Variants in THSD4 observed in about 807,000 individuals in gnomAD.
THSD4 encodes the protein thrombospondin type-1 domain-containing protein 4.
In THSD4, 69 loss-of-function variants were observed where a neutral mutation model predicts 119.0. That is an observed-to-expected ratio of 0.58 (90% CI 0.48 to 0.71). THSD4 has a LOEUF of 0.71. THSD4 is among the 30% of genes least tolerant of loss of function. The pLI is 0.00. For synonymous variants in THSD4, 524 were observed against 540.4 expected, an observed-to-expected ratio of 0.97 and a Z score of 0.42; for missense variants, 1,393 against 1,391.1, an observed-to-expected ratio of 1.00 and a Z score of -0.02.
intron 7 of THSD4, chr15:71,547,709 C>G: frequency 2.2e-6 from 1 of 455,194 alleles, no homozygotes; most frequent in Non-Finnish European, 3.7e-6. Context: ...TGTGCAGTTG[C>G]CACACTGGGA....
intron 7 of THSD4, among the ~76,000 whole-genome samples, chr15:71,582,474 T>C (rs781762640): frequency 2.6e-4 from 39 of 152,170 alleles, no homozygotes; most frequent in Non-Finnish European, 4.9e-4. Context: ...TGCCTTTTAT[T>C]TCTTTTTCTT....
chr15:71,102,384 T>C (rs919393434), intron 1 of THSD4, among the ~76,000 whole-genome samples: 1 of 152,136 alleles, frequency 6.6e-6, no homozygotes, highest in Admixed American at 6.5e-5. Flanking sequence ...TGGTATTTTT[T>C]CCCACAGGCC....
intron 14 of THSD4, among the ~76,000 whole-genome samples, chr15:71,752,631 T>G (rs2053467968): frequency 1.3e-5 from 2 of 152,218 alleles, no homozygotes; most frequent in African/African-American, 4.8e-5. Context: ...CCATCACTTA[T>G]TTCGTATTTG....
chr15:71,406,964 A>G (rs1362164437), intron 6 of THSD4, among the ~76,000 whole-genome samples: 2 of 152,016 alleles, frequency 1.3e-5, no homozygotes, highest in Non-Finnish European at 2.9e-5. Flanking sequence ...GATTACATGC[A>G]TGAGCCACTG....
At chr15:71,252,749 TG>T (rs2044273912) in intron 5 of THSD4, among the ~76,000 whole-genome samples, 1 of 152,246 alleles carries the variant, frequency 6.6e-6, no homozygotes, top group Admixed American at 6.5e-5. Flanking sequence ...TTTGTTGCCT[TG>T]GGTTCCTCAT....
At position 71,738,026 on chromosome 15, in the gene THSD4, C is replaced by T. The variant is rs377411015; in HGVS notation, c.1906+19C>T. The T allele has an allele frequency of 5.3e-5, 85 of 1,611,670 alleles. No individual in the cohort carries two copies. The highest frequency in any genetic ancestry group is 2.9e-4 in the African/African-American group (22 of 75,046). ...GGGAAAGGTGAGCCTGTGTGGGGGA[C>T]GGGTGGATCCCTGCAGAACCCTAAG... On this transcript the variant is annotated intron_variant, in intron 11 of 17. Transcript: ENST00000261862.
At chr15:71,453,113 C>T (rs1005241316) in intron 7 of THSD4, among the ~76,000 whole-genome samples, 2 of 152,226 alleles carry the variant, frequency 1.3e-5, no homozygotes, top group South Asian at 2.1e-4. Context: ...CCCTTCTGGA[C>T]CTTGATCTGG....
intron 14 of THSD4, among the ~76,000 whole-genome samples, chr15:71,757,568 C>T (rs1248579782): frequency 4.0e-4 from 1 of 2,474 alleles, no homozygotes; most frequent in Non-Finnish European, 7.0e-4. Context: ...AGCTCTGGTA[C>T]CACAGGCGTG....
At chr15:71,506,300 T>C (rs973882682) in intron 7 of THSD4, among the ~76,000 whole-genome samples, 1 of 152,206 alleles carries the variant, frequency 6.6e-6, no homozygotes, top group Non-Finnish European at 1.5e-5. Context: ...TTTAGAACAA[T>C]GCATTACCCG....
At chr15:71,472,337 T>C (rs569261032) in intron 7 of THSD4, among the ~76,000 whole-genome samples, 1 of 152,360 alleles carries the variant, frequency 6.6e-6, no homozygotes, top group African/African-American at 2.4e-5. Context: ...CTAACTAGTA[T>C]GTATTAGGCC....
chr15:71,099,808 T>A (rs891394476), intron 1 of THSD4, among the ~76,000 whole-genome samples: 4 of 151,926 alleles, frequency 2.6e-5, no homozygotes, highest in Non-Finnish European at 4.4e-5. Context: ...CTACAAAAAA[T>A]ACAAAAATTA....
chr15:71,604,795 T>A (rs1031537931), intron 7 of THSD4, among the ~76,000 whole-genome samples: 7 of 150,632 alleles, frequency 4.6e-5, no homozygotes, highest in Non-Finnish European at 7.4e-5. Flanking sequence ...AGTGTCATCT[T>A]TGAAGTGCCA....
chr15:71,584,927 A>T (rs2049635862), intron 7 of THSD4, among the ~76,000 whole-genome samples: 1 of 152,144 alleles, frequency 6.6e-6, no homozygotes, highest in Admixed American at 6.5e-5. Context: ...ATAATAGTCT[A>T]TTTTAAGCCG....
chr15:71,768,275 ACC>A (rs1491199424), intron 16 of THSD4, among the ~76,000 whole-genome samples: 20 of 148,664 alleles, frequency 1.3e-4, no homozygotes, highest in Admixed American at 1.4e-4. Context: ...CACAAAAAAA[ACC>A]AAAAAAAAAC....
chr15:71,170,758 T>A (rs563870651), intron 3 of THSD4, among the ~76,000 whole-genome samples: 1 of 152,274 alleles, frequency 6.6e-6, no homozygotes, highest in African/African-American at 2.4e-5. Context: ...TGGCACATAT[T>A]TTAGAATATG....
chr15:71,241,893 GA>G (rs2044156345), intron 4 of THSD4, among the ~76,000 whole-genome samples: 1 of 152,198 alleles, frequency 6.6e-6, no homozygotes, highest in African/African-American at 2.4e-5. Flanking sequence ...AACATTATGA[GA>G]TTTTTTTTTG....
chr15:71,762,517 T>G (rs1221596399), intron 15 of THSD4, among the ~76,000 whole-genome samples: 1 of 152,156 alleles, frequency 6.6e-6, no homozygotes, highest in Non-Finnish European at 1.5e-5. Flanking sequence ...ACAGAACTAT[T>G]TAGCGACACT....
intron 6 of THSD4, among the ~76,000 whole-genome samples, chr15:71,321,936 CAG>C (rs1386307164): frequency 1.3e-4 from 19 of 151,400 alleles, no homozygotes; most frequent in Non-Finnish European, 1.5e-4. Flanking sequence ...AAATAAAAGC[CAG>C]AGTCAACAAT....
chr15:71,640,980 G>GACACACACACACAC (rs10551548), intron 7 of THSD4, among the ~76,000 whole-genome samples: 5 of 146,608 alleles, frequency 3.4e-5, no homozygotes, highest in Non-Finnish European at 7.6e-5. Flanking sequence ...CCCACCTACA[G>GACACACACACACAC]ACACACACAC....
Sources: gnomAD v4.1 joint callset for allele counts (sites outside exome capture counted in the v4.1 genomes callset) on GRCh38, gnomAD v4.1.1 for gene constraint, MANE v1.5 for transcripts, NCBI Gene and HGNC (gene_info 2026-07-23, HGNC 2026-07-21) for gene names.